The following RBFOX1 variants were observed in gnomAD, a reference collection of about 807,000 sequenced individuals.
RBFOX1 encodes RNA binding protein fox-1 homolog 1.
A neutral mutation model predicts 57.7 loss-of-function variants in RBFOX1; 8 were observed. The observed-to-expected ratio is 0.14, with a 90% confidence interval of 0.08 to 0.25. The LOEUF (loss-of-function observed/expected upper bound fraction) is 0.25, where lower values mean the gene tolerates loss of function less well. RBFOX1 is among the 10% of genes least tolerant of loss of function. The pLI, the probability that RBFOX1 is intolerant of heterozygous loss-of-function variation, is 1.00. For missense variants in RBFOX1, 611 were observed against 548.5 expected, an observed-to-expected ratio of 1.11 and a Z score of -1.14; for synonymous variants, 326 against 222.4, an observed-to-expected ratio of 1.47 and a Z score of -4.15.
At chr16:5,502,768 C>T (rs1047256922) in intron 2 of RBFOX1, among the ~76,000 whole-genome samples, 1 of 152,126 alleles carries the variant, frequency 6.6e-6, no homozygotes, top group Non-Finnish European at 1.5e-5. Context: ...AGCCTGCCCC[C>T]GAAGGCTGGA....
chr16:7,452,430 G>A (rs948300374), intron 4 of RBFOX1, among the ~76,000 whole-genome samples: 2 of 152,208 alleles, frequency 1.3e-5, no homozygotes, highest in African/African-American at 4.8e-5. Flanking sequence ...CATATTCCAT[G>A]AGGTTACGTT....
chr16:6,662,129 GGGC>G (rs2098705339), intron 3 of RBFOX1, among the ~76,000 whole-genome samples: 1 of 72,668 alleles, frequency 1.4e-5, no homozygotes, highest in Admixed American at 1.5e-4. Context: ...CGAGGGCTGG[GGGC>G]GGGGTGAAAA....
chr16:5,721,580 C>A (rs557004160), intron 3 of RBFOX1, among the ~76,000 whole-genome samples: 23 of 152,252 alleles, frequency 1.5e-4, no homozygotes, highest in African/African-American at 5.3e-4. Context: ...TCGGCCATTG[C>A]GTATGATGCC....
At chr16:6,446,807 G>C (rs1033314792) in intron 2 of RBFOX1, among the ~76,000 whole-genome samples, 11 of 152,120 alleles carry the variant, frequency 7.2e-5, no homozygotes, top group African/African-American at 2.7e-4. Context: ...CAAAGAGAGA[G>C]GTGTCCTGAT....
intron 3 of RBFOX1, among the ~76,000 whole-genome samples, chr16:7,020,779 A>T (rs1468562130): frequency 6.6e-6 from 1 of 151,994 alleles, no homozygotes; most frequent in East Asian, 1.9e-4. Context: ...TCCCACCCAC[A>T]TCCTTAATGT....
chr16:6,798,352 G>A (rs2084576078), intron 3 of RBFOX1, among the ~76,000 whole-genome samples: 1 of 152,090 alleles, frequency 6.6e-6, no homozygotes, highest in African/African-American at 2.4e-5. Context: ...GAGAATTGAT[G>A]GATTTGGGCA....
At chr16:7,389,577 G>A (rs543593883) in intron 4 of RBFOX1, among the ~76,000 whole-genome samples, 12 of 152,242 alleles carry the variant, frequency 7.9e-5, no homozygotes, top group African/African-American at 2.9e-4. Context: ...ACTTGCTTTA[G>A]CCAAATCCTA....
chr16:5,519,261 G>A (rs1018842792), intron 2 of RBFOX1, among the ~76,000 whole-genome samples: 1 of 152,230 alleles, frequency 6.6e-6, no homozygotes, highest in Admixed American at 6.5e-5. Flanking sequence ...CAGTTCATGA[G>A]TAGAATATCT....
chr16:7,474,282 A>G (rs1468292287), intron 4 of RBFOX1, among the ~76,000 whole-genome samples: 1 of 152,098 alleles, frequency 6.6e-6, no homozygotes, highest in Non-Finnish European at 1.5e-5. Context: ...GCGAGACTCC[A>G]TCTCATGAAA....
intron 3 of RBFOX1, among the ~76,000 whole-genome samples, chr16:5,784,147 C>T (rs967001282): frequency 5.9e-5 from 9 of 152,042 alleles, no homozygotes; most frequent in South Asian, 2.1e-4. Context: ...GGCAGCCGGG[C>T]GCGGTGGCTC....
intron 2 of RBFOX1, among the ~76,000 whole-genome samples, chr16:5,494,375 A>G (rs1469824087): frequency 1.3e-5 from 2 of 152,202 alleles, no homozygotes; most frequent in Non-Finnish European, 2.9e-5. Flanking sequence ...TGTGTCAGGG[A>G]AAGAACGAGA....
chr16:6,139,174 A>G (rs1303732432), intron 1 of RBFOX1, among the ~76,000 whole-genome samples: 1 of 152,138 alleles, frequency 6.6e-6, no homozygotes, highest in East Asian at 1.9e-4. Flanking sequence ...TTCAGCAGGG[A>G]CCATGGTCCT....
chr16:7,538,215 C>T (rs1430245019), intron 5 of RBFOX1, among the ~76,000 whole-genome samples: 1 of 152,120 alleles, frequency 6.6e-6, no homozygotes, highest in East Asian at 1.9e-4. Context: ...CTATCTCGTG[C>T]CTGGGCTTCA....
chr16:7,159,040 G>A (rs1006187646), intron 4 of RBFOX1, among the ~76,000 whole-genome samples: 1 of 149,890 alleles, frequency 6.7e-6, no homozygotes, highest in Non-Finnish European at 1.5e-5. Context: ...GTCCCTACCT[G>A]CTGGCAACCA....
At chr16:7,419,284 C>T (rs1241911055) in intron 4 of RBFOX1, among the ~76,000 whole-genome samples, 1 of 152,114 alleles carries the variant, frequency 6.6e-6, no homozygotes, top group Admixed American at 6.6e-5. Flanking sequence ...CCTGTTGTTC[C>T]TCTTCAATCA....
chr16:6,926,011 A>G (rs2075513716), intron 3 of RBFOX1, among the ~76,000 whole-genome samples: 1 of 152,098 alleles, frequency 6.6e-6, no homozygotes, highest in Admixed American at 6.6e-5. Flanking sequence ...TCTATGCTCA[A>G]AAACCTCAAC....
At chr16:7,009,480 C>T (rs959097322) in intron 3 of RBFOX1, among the ~76,000 whole-genome samples, 1 of 151,778 alleles carries the variant, frequency 6.6e-6, no homozygotes, top group African/African-American at 2.4e-5. Context: ...TGACTGCAGC[C>T]CAAGCACAGG....
intron 3 of RBFOX1, among the ~76,000 whole-genome samples, chr16:7,033,085 C>T (rs111416013): frequency 1.3e-5 from 2 of 152,156 alleles, no homozygotes; most frequent in Admixed American, 1.3e-4. Flanking sequence ...AATGCCAACT[C>T]TCTCCTCTTG....
intron 3 of RBFOX1, among the ~76,000 whole-genome samples, chr16:5,666,314 G>C (rs2049843169): frequency 6.6e-6 from 1 of 152,160 alleles, no homozygotes. Context: ...CTTCAACATT[G>C]GTACTCGTGA....
Sources: allele counts gnomAD v4.1 joint callset (sites outside exome capture counted in the v4.1 genomes callset), GRCh38; gene constraint gnomAD v4.1.1; transcripts MANE v1.5; gene names NCBI Gene and HGNC (gene_info 2026-07-23, HGNC 2026-07-21).